Variants in NTM observed in about 807,000 individuals in gnomAD.
NTM encodes neurotrimin.
A neutral mutation model predicts 42.1 loss-of-function variants in NTM; 13 were observed. That is an observed-to-expected ratio of 0.31 (90% CI 0.20 to 0.49). The LOEUF (loss-of-function observed/expected upper bound fraction) is 0.49. Among genes scored for constraint, NTM ranks in the 20% least tolerant of loss-of-function variants. NTM has a pLI of 0.99. For missense variants in NTM, 373 were observed against 452.8 expected (o/e 0.82, Z 1.60); for synonymous variants, 187 against 179.2 (o/e 1.04, Z -0.35).
intron 4 of NTM, among the ~76,000 whole-genome samples, chr11:132,239,002 A>G (rs777065411): frequency 2.6e-5 from 4 of 152,204 alleles, no homozygotes; most frequent in Non-Finnish European, 4.4e-5. Flanking sequence ...GCAAACAGAA[A>G]TGAATTCCTT....
chr11:131,572,891 C>T (rs1428153230), intron 1 of NTM, among the ~76,000 whole-genome samples: 3 of 152,194 alleles, frequency 2.0e-5, no homozygotes. Flanking sequence ...GTTCCTGGCA[C>T]ACATTCAGCA....
At chr11:131,989,375 A>G (rs1018545841) in intron 2 of NTM, among the ~76,000 whole-genome samples, 17 of 152,210 alleles carry the variant, frequency 1.1e-4, no homozygotes, top group African/African-American at 4.1e-4. Flanking sequence ...GTGTTTAATC[A>G]TGTTTGACTT....
At chr11:132,329,570 A>T (rs1280452228) in intron 7 of NTM, among the ~76,000 whole-genome samples, 1 of 152,190 alleles carries the variant, frequency 6.6e-6, no homozygotes, top group African/African-American at 2.4e-5. Context: ...AGAAAAGTCA[A>T]ATGTCAATGG....
intron 4 of NTM, among the ~76,000 whole-genome samples, chr11:132,290,258 AT>A (rs112193288): frequency 0.019 from 2,818 of 146,122 alleles, 33 homozygotes; most frequent in African/African-American, 0.036. Context: ...AGATAGTCTG[AT>A]TTTTTTTTTT....
intron 2 of NTM, among the ~76,000 whole-genome samples, chr11:132,098,718 G>GCCCC (rs2061316088): frequency 6.6e-6 from 1 of 152,266 alleles, no homozygotes; most frequent in Non-Finnish European, 1.5e-5. Flanking sequence ...AAGGCGTGGT[G>GCCCC]AACTTGTAGC....
chr11:131,725,887 G>A (rs551213101), intron 1 of NTM, among the ~76,000 whole-genome samples: 1 of 152,298 alleles, frequency 6.6e-6, no homozygotes, highest in South Asian at 2.1e-4. Context: ...AGACCACTGA[G>A]TGTTGAGGCC....
intron 1 of NTM, among the ~76,000 whole-genome samples, chr11:131,634,863 T>C (rs1360855161): frequency 2.6e-5 from 4 of 152,232 alleles, no homozygotes; most frequent in Admixed American, 6.5e-5. Flanking sequence ...TAGTACTTTG[T>C]ATATAATTGG....
chr11:132,331,116 C>G (rs1371608274), intron 8 of NTM, among the ~76,000 whole-genome samples: 1 of 152,196 alleles, frequency 6.6e-6, no homozygotes, highest in African/African-American at 2.4e-5. Context: ...CAGCCACACT[C>G]TCTTCTCTTT....
intron 2 of NTM, among the ~76,000 whole-genome samples, chr11:132,039,979 C>T (rs2076978783): frequency 6.6e-6 from 1 of 152,050 alleles, no homozygotes; most frequent in African/African-American, 2.4e-5. Flanking sequence ...GGCTGGAGTG[C>T]AGTGGCGTGA....
At chr11:131,697,303 G>A (rs1194433126) in intron 1 of NTM, among the ~76,000 whole-genome samples, 1 of 152,240 alleles carries the variant, frequency 6.6e-6, no homozygotes, top group Non-Finnish European at 1.5e-5. Flanking sequence ...GCTGCGGCCT[G>A]TGCCATAAGT....
At chr11:132,313,470 T>G (rs1386307719) in intron 6 of NTM, among the ~76,000 whole-genome samples, 2 of 149,568 alleles carry the variant, frequency 1.3e-5, no homozygotes, top group Non-Finnish European at 2.9e-5. Context: ...CAAGAAGGGG[T>G]TTTTTGCCCC....
At chr11:131,484,226 G>T (rs552803927) in intron 1 of NTM, among the ~76,000 whole-genome samples, 32 of 152,230 alleles carry the variant, frequency 2.1e-4, no homozygotes, top group Non-Finnish European at 4.3e-4. Flanking sequence ...CTTTATGCCA[G>T]AAATCTTTTA....
At chr11:131,899,368 T>A (rs982959942) in intron 1 of NTM, among the ~76,000 whole-genome samples, 3 of 152,198 alleles carry the variant, frequency 2.0e-5, no homozygotes, top group Non-Finnish European at 2.9e-5. Context: ...ACACTTTTCA[T>A]AGTATTTTTA....
chr11:132,271,531 A>G (rs1453028144), intron 4 of NTM, among the ~76,000 whole-genome samples: 1 of 151,670 alleles, frequency 6.6e-6, no homozygotes, highest in Non-Finnish European at 1.5e-5. Flanking sequence ...GACTCTTCCA[A>G]TATTTCAACA....
chr11:131,634,033 G>T (rs1423604731), intron 1 of NTM, among the ~76,000 whole-genome samples: 1 of 152,072 alleles, frequency 6.6e-6, no homozygotes, highest in East Asian at 1.9e-4. Context: ...TCTCTTCAAG[G>T]CTATGTTGAA....
intron 1 of NTM, among the ~76,000 whole-genome samples, chr11:131,650,082 C>T (rs570657495): frequency 1.3e-4 from 20 of 152,272 alleles, no homozygotes; most frequent in African/African-American, 4.8e-4. Flanking sequence ...GAGGAGGGAA[C>T]AAGGCCCAGG....
intron 2 of NTM, among the ~76,000 whole-genome samples, chr11:131,954,234 A>G (rs2061333163): frequency 6.6e-6 from 1 of 152,210 alleles, no homozygotes; most frequent in East Asian, 1.9e-4. Flanking sequence ...AGGACGCTTC[A>G]CTCAGCAGAC....
At chr11:131,575,980 A>T (rs970222563) in intron 1 of NTM, among the ~76,000 whole-genome samples, 1 of 152,198 alleles carries the variant, frequency 6.6e-6, no homozygotes, top group Admixed American at 6.5e-5. Flanking sequence ...TCCTTGTCTG[A>T]TGCTATTCAG....
At chr11:132,056,353 G>C (rs970763321) in intron 2 of NTM, among the ~76,000 whole-genome samples, 1 of 152,156 alleles carries the variant, frequency 6.6e-6, no homozygotes, top group Non-Finnish European at 1.5e-5. Context: ...AGCTCCACTT[G>C]TATACATTGA....
Sources: gnomAD v4.1 joint callset for allele counts (sites outside exome capture counted in the v4.1 genomes callset) on GRCh38, gnomAD v4.1.1 for gene constraint, MANE v1.5 for transcripts, NCBI Gene and HGNC (gene_info 2026-07-23, HGNC 2026-07-21) for gene names.